Variants in ARHGAP21 observed in about 807,000 individuals in gnomAD.
ARHGAP21 encodes the protein Rho GTPase activating protein 21, also known as rho GTPase-activating protein 21.
ARHGAP21 carries 38 observed loss-of-function variants against 164.6 expected under a neutral mutation model. The ratio of observed to expected loss-of-function variants is 0.23; its 90% confidence interval spans 0.18 to 0.30. The LOEUF is 0.30. ARHGAP21 is among the 10% of genes least tolerant of loss of function. The probability of loss-of-function intolerance (pLI) is 1.00; values close to 1 mark genes in which losing one functional copy is unlikely to be tolerated. For missense variants in ARHGAP21, 1,822 were observed against 2,370.7 expected, an observed-to-expected ratio of 0.77 and a Z score of 4.81; for synonymous variants, 766 against 857.9, an observed-to-expected ratio of 0.89 and a Z score of 1.87.
intron 2 of ARHGAP21, among the ~76,000 whole-genome samples, chr10:24,676,841 C>T (rs1841299316): frequency 1.3e-5 from 2 of 152,158 alleles, no homozygotes; most frequent in African/African-American, 4.8e-5. Context: ...AAATGCACTT[C>T]TCCTAAAGAA....
chr10:24,689,910 GTATA>G (rs1323696429), intron 2 of ARHGAP21, among the ~76,000 whole-genome samples: 62 of 37,676 alleles, frequency 1.6e-3, no homozygotes, highest in African/African-American at 6.4e-3. Context: ...ATATATACAT[GTATA>G]TATGTATATG....
intron 2 of ARHGAP21, among the ~76,000 whole-genome samples, chr10:24,670,888 T>C (rs145218602): frequency 4.6e-5 from 7 of 152,234 alleles, no homozygotes; most frequent in Non-Finnish European, 7.4e-5. Context: ...TCCACATAGA[T>C]AACCCTTCTG....
At chr10:24,649,374 G>A (rs1173910715) in intron 4 of ARHGAP21, among the ~76,000 whole-genome samples, 1 of 152,106 alleles carries the variant, frequency 6.6e-6, no homozygotes, top group Non-Finnish European at 1.5e-5. Context: ...CCAGCAAATA[G>A]AAGAAAAAGC....
At chr10:24,706,130 C>A (rs1399116025) in intron 2 of ARHGAP21, among the ~76,000 whole-genome samples, 1 of 152,178 alleles carries the variant, frequency 6.6e-6, no homozygotes, top group Non-Finnish European at 1.5e-5. Flanking sequence ...AAAAGCAACT[C>A]ACTCCAAAAT....
Position 24,584,562 on chromosome 10 carries a change from G to T in ARHGAP21, c.5727C>A (p.Pro1909=). The T allele has an allele frequency of 6.2e-7, 1 of 1,613,934 alleles. No individual in the cohort carries two copies. Among genetic ancestry groups the T allele is most frequent in the Non-Finnish European group, 8.5e-7 (1 of 1,179,854 alleles). The change falls in exon 26 of 26, where the codon CCC becomes CCA. Residue 1909 remains proline, a synonymous_variant. Transcript: ENST00000396432. ...SSSTLASTNR[P]LLSIPPQSPD... ...GTGACTGTGGTGGTATGGAAAGAAG[G>T]GGCCTGTTTGTTGAAGCCAAGGTGC... is the stretch of plus-strand genomic sequence containing the variant.
intron 9 of ARHGAP21, among the ~76,000 whole-genome samples, chr10:24,608,862 T>A (rs999965617): frequency 3.3e-5 from 5 of 151,860 alleles, no homozygotes; most frequent in Admixed American, 1.3e-4. Flanking sequence ...TACGACAGTT[T>A]ACTATTATGT....
intron 9 of ARHGAP21, among the ~76,000 whole-genome samples, chr10:24,617,529 C>T (rs1019797935): frequency 6.6e-5 from 10 of 151,996 alleles, no homozygotes; most frequent in Admixed American, 5.9e-4. Context: ...CTGAGCTTGG[C>T]CTTAGGGGTA....
chr10:24,699,679 T>A (rs1268547672), intron 2 of ARHGAP21, among the ~76,000 whole-genome samples: 1 of 152,026 alleles, frequency 6.6e-6, no homozygotes, highest in Non-Finnish European at 1.5e-5. Context: ...TATCCTTCGG[T>A]AAAGAGAAGG....
At chr10:24,591,501 T>C in intron 23 of ARHGAP21, 141 bp downstream of exon 23, 1 of 1,182,058 alleles carries the variant, frequency 8.5e-7, no homozygotes. Flanking sequence ...GTATATTCAT[T>C]AGATCAGAAA....
chr10:24,654,661 G>T (rs1041591917), intron 4 of ARHGAP21, among the ~76,000 whole-genome samples: 1 of 152,180 alleles, frequency 6.6e-6, no homozygotes, highest in Non-Finnish European at 1.5e-5. Context: ...TCTTGGATAG[G>T]AAGAATCAAT....
At chr10:24,593,284 G>A (rs2076418053) in intron 21 of ARHGAP21, among the ~76,000 whole-genome samples, 1 of 152,172 alleles carries the variant, frequency 6.6e-6, no homozygotes, top group Non-Finnish European at 1.5e-5. Context: ...TGGGAAAGGT[G>A]TACTTAAAAC....
At position 24,584,910 on chromosome 10, in the gene ARHGAP21, A is replaced by C. The variant is rs763399365; in HGVS notation, c.5379T>G (p.Ala1793=). 8 of 1,613,794 alleles carry C rather than the reference A, an allele frequency of 5.0e-6. 1 individual carries two copies. In the South Asian group the frequency reaches 8.8e-5, roughly 18 times the overall value. Reference sequence around the variant, plus strand: ...GTCTGCGCCGGATGCTTTTCCTTTTAGCAGTCTCGGCATTCACTTTGTGAT... The same window carrying C: ...GTCTGCGCCGGATGCTTTTCCTTTTCGCAGTCTCGGCATTCACTTTGTGAT... The part of the protein sequence containing the change: ...VGNHKVNAET[A]KRKSIRRRHT... Residue 1793 remains alanine, a synonymous_variant, in exon 26 of 26, where the codon GCT becomes GCG. Coordinates refer to ENST00000396432, the MANE Select transcript of ARHGAP21 (RefSeq NM_020824.4).
chr10:24,629,122 A>C (rs1835588721), intron 7 of ARHGAP21: 2 of 144,950 alleles, frequency 1.4e-5, no homozygotes, highest in Non-Finnish European at 1.5e-5. Context: ...CAGCCTCCCA[A>C]GTAGCTGGGA....
At chr10:24,716,813 TC>T (rs1377357675) in intron 2 of ARHGAP21, among the ~76,000 whole-genome samples, 1 of 152,134 alleles carries the variant, frequency 6.6e-6, no homozygotes, top group Non-Finnish European at 1.5e-5. Flanking sequence ...CAAAGATCAC[TC>T]CAAGATGCCT....
At chr10:24,713,248 TAA>T (rs372579594) in intron 2 of ARHGAP21, among the ~76,000 whole-genome samples, 45 of 152,308 alleles carry the variant, frequency 3.0e-4, no homozygotes, top group African/African-American at 9.4e-4. Flanking sequence ...TGTGGGATTA[TAA>T]ACAGTGCTGC....
Position 24,619,459 on chromosome 10 carries a change from C to CT in ARHGAP21, c.2422+13dup. The CT allele has an allele frequency of 6.2e-7, 1 of 1,608,218 alleles. No individual in the cohort carries two copies. Among genetic ancestry groups the CT allele is most frequent in the South Asian group, 1.1e-5 (1 of 89,836 alleles). ...ACATTTGGCATATTAGCCAATGACT[C>CT]TAAATGAGCTCACCTATAAATGGGA... On this transcript the variant is annotated intron_variant, in intron 9 of 25. Coordinates refer to ENST00000396432, the MANE Select transcript of ARHGAP21 (RefSeq NM_020824.4).
chr10:24,637,950 T>G (rs1373289367), intron 4 of ARHGAP21, among the ~76,000 whole-genome samples: 1 of 151,690 alleles, frequency 6.6e-6, no homozygotes, highest in Non-Finnish European at 1.5e-5. Flanking sequence ...CTGTAACCTC[T>G]GCCTCCCAGG....
chr10:24,595,261 A>C (rs1225059716), intron 19 of ARHGAP21, 71 bp from the exon 20 acceptor site: 1 of 1,309,006 alleles, frequency 7.6e-7, no homozygotes, highest in Non-Finnish European at 1.1e-6. Flanking sequence ...TTTCCCTTTA[A>C]GGATCAATTT....
chr10:24,628,984 T>TATATATATATATATA (rs59168164), intron 7 of ARHGAP21: 1 of 12,952 alleles, frequency 7.7e-5, no homozygotes, highest in African/African-American at 3.8e-4. Flanking sequence ...ATATATATAT[T>TATATATATATATATA]TTTTTTTTTT....
Sources: gnomAD v4.1 joint callset for allele counts (sites outside exome capture counted in the v4.1 genomes callset) on GRCh38, gnomAD v4.1.1 for gene constraint, MANE v1.5 for transcripts, NCBI Gene and HGNC (gene_info 2026-07-23, HGNC 2026-07-21) for gene names.